Variants in KSR2 observed in about 807,000 individuals in gnomAD.
KSR2 encodes the protein kinase suppressor of ras 2.
A neutral mutation model predicts 107.8 loss-of-function variants in KSR2; 25 were observed. That is an observed-to-expected ratio of 0.23 (90% CI 0.17 to 0.32). The LOEUF (loss-of-function observed/expected upper bound fraction) is 0.32. Among genes scored for constraint, KSR2 ranks in the 10% least tolerant of loss-of-function variants. KSR2 has a pLI of 1.00. For missense variants in KSR2, 887 were observed against 1,268.9 expected (o/e 0.70, Z 4.57); for synonymous variants, 480 against 507.0 (o/e 0.95, Z 0.71).
At chr12:117,649,854 T>G (rs1272546038) in intron 5 of KSR2, among the ~76,000 whole-genome samples, 3 of 152,330 alleles carry the variant, frequency 2.0e-5, no homozygotes, top group African/African-American at 7.2e-5. Context: ...TGGTTTTCTG[T>G]ACAATGGTAG....
At chr12:117,905,734 G>A (rs1225369572) in intron 1 of KSR2, among the ~76,000 whole-genome samples, 1 of 152,090 alleles carries the variant, frequency 6.6e-6, no homozygotes, top group Non-Finnish European at 1.5e-5. Context: ...TCTGCCTTAT[G>A]CCTGGGGACA....
At chr12:117,786,479 C>T (rs970270619) in intron 3 of KSR2, among the ~76,000 whole-genome samples, 2 of 152,060 alleles carry the variant, frequency 1.3e-5, no homozygotes, top group Admixed American at 1.3e-4. Flanking sequence ...CCTCTCCCTC[C>T]TCCCACCCTC....
chr12:117,928,409 C>A (rs1895601774), intron 1 of KSR2, among the ~76,000 whole-genome samples: 1 of 152,184 alleles, frequency 6.6e-6, no homozygotes. Flanking sequence ...GTCTTGAACT[C>A]CTGAGCTCAA....
intron 7 of KSR2, among the ~76,000 whole-genome samples, chr12:117,570,541 A>C (rs1219095045): frequency 6.6e-6 from 1 of 152,234 alleles, no homozygotes; most frequent in Non-Finnish European, 1.5e-5. Context: ...GAACTACAGA[A>C]AAGGCGAAAA....
At chr12:117,602,564 T>C (rs372548582) in intron 5 of KSR2, among the ~76,000 whole-genome samples, 1 of 152,260 alleles carries the variant, frequency 6.6e-6, no homozygotes, top group Admixed American at 6.5e-5. Flanking sequence ...GTAACATGTA[T>C]CAGTACTTGA....
intron 1 of KSR2, among the ~76,000 whole-genome samples, chr12:117,884,619 A>G (rs1894119891): frequency 6.6e-6 from 1 of 152,214 alleles, no homozygotes; most frequent in Admixed American, 6.5e-5. Flanking sequence ...CCAAAGAAAC[A>G]CACAATCTTC....
At chr12:117,726,098 G>A (rs952303941) in intron 4 of KSR2, among the ~76,000 whole-genome samples, 2 of 152,104 alleles carry the variant, frequency 1.3e-5, no homozygotes, top group African/African-American at 4.8e-5. Flanking sequence ...AACCTGGGAG[G>A]TGGAGGTTGC....
At chr12:117,623,439 T>A (rs984092752) in intron 5 of KSR2, among the ~76,000 whole-genome samples, 1 of 152,164 alleles carries the variant, frequency 6.6e-6, no homozygotes, top group Non-Finnish European at 1.5e-5. Context: ...CCAAGTGATC[T>A]CATTGGTCAG....
intron 5 of KSR2, among the ~76,000 whole-genome samples, chr12:117,587,050 C>T (rs888199617): frequency 2.6e-5 from 4 of 152,178 alleles, no homozygotes; most frequent in African/African-American, 9.7e-5. Context: ...TTCCCTCCAA[C>T]ACCCTGCTCA....
chr12:117,508,019 C>T (rs1447812412), intron 14 of KSR2, among the ~76,000 whole-genome samples: 1 of 152,058 alleles, frequency 6.6e-6, no homozygotes, highest in Non-Finnish European at 1.5e-5. Context: ...TAGACCTCTA[C>T]ACTCATCAGC....
chr12:117,836,287 C>T (rs1161540424), intron 3 of KSR2, among the ~76,000 whole-genome samples: 5 of 152,082 alleles, frequency 3.3e-5, no homozygotes, highest in Admixed American at 6.6e-5. Context: ...TCTGGGGCCC[C>T]GAGACCATTC....
chr12:117,616,780 T>C (rs962861317), intron 5 of KSR2, among the ~76,000 whole-genome samples: 2 of 152,226 alleles, frequency 1.3e-5, no homozygotes, highest in Admixed American at 6.5e-5. Context: ...CCTTCTGATA[T>C]GCTCATTTCT....
rs1476781438 is a variant in KSR2 at position 117,457,118 on chromosome 12, CCT to C, written c.*10079_*10080del. On this transcript the variant is annotated 3_prime_UTR_variant, in exon 20 of 20. Coordinates refer to ENST00000339824, the MANE Select transcript of KSR2 (RefSeq NM_173598.6). The stretch of plus-strand genomic sequence containing the variant: ...GAGAGAATGACTGGAGATTTCAGCC[CCT>C]GTCCGTGCAGACGGTGAAAGGCAAG... 2 of 152,370 alleles carry C rather than the reference CCT, an allele frequency of 1.3e-5. No individual in the cohort carries two copies. Among genetic ancestry groups the C allele is most frequent in the African/African-American group, 4.8e-5 (2 of 41,584 alleles). 9.4% of individuals were successfully genotyped at this position (152,370 alleles called of 1,614,324 possible). A position where few individuals can be genotyped will look rare whatever the true frequency, so the allele number is the denominator to read the frequency against.
chr12:117,773,462 C>T (rs535215699), intron 3 of KSR2, among the ~76,000 whole-genome samples: 4 of 152,288 alleles, frequency 2.6e-5, no homozygotes, highest in African/African-American at 9.6e-5. Flanking sequence ...TTTGTCCCTT[C>T]CCATTAAAAT....
rs1186993729 is a variant in KSR2, at chr12:117,897,456, T to A, written c.181-37025A>T. Among the ~76,000 whole-genome samples, 1 of 152,190 alleles carries A rather than the reference T, an allele frequency of 6.6e-6. No individual in the cohort carries two copies. The highest frequency in any genetic ancestry group is 2.4e-5 in the African/African-American group (1 of 41,444). ...ATGAAAGGTTGACTAGGAAACCACA[T>A]CAGCTTTGCAGCATCCAAAAATATA... On this transcript the variant is annotated intron_variant, in intron 1 of 19. Coordinates refer to ENST00000339824, the MANE Select transcript of KSR2 (RefSeq NM_173598.6). This position sits in a 1 kb window ranked among gnomAD's most constrained non-coding sequence, Gnocchi z 4.5.
intron 14 of KSR2, 42 bp downstream of exon 14, chr12:117,524,810 G>C (rs746075216): frequency 2.5e-5 from 39 of 1,554,546 alleles, no homozygotes; most frequent in Non-Finnish European, 3.3e-5. Context: ...GCCAGAAGCA[G>C]AGTTTTGCCA....
intron 4 of KSR2, among the ~76,000 whole-genome samples, chr12:117,712,793 CGATA>C (rs1886835947): frequency 6.6e-6 from 1 of 151,582 alleles, no homozygotes; most frequent in Admixed American, 6.6e-5. Flanking sequence ...ATTCAGAGAT[CGATA>C]GATACAGAGA....
intron 5 of KSR2, among the ~76,000 whole-genome samples, chr12:117,597,141 G>T (rs995506681): frequency 6.6e-6 from 1 of 152,198 alleles, no homozygotes; most frequent in African/African-American, 2.4e-5. Context: ...CTGAATTCTT[G>T]GGCCAAAGCC....
chr12:117,930,369 T>C (rs1474705289), intron 1 of KSR2, among the ~76,000 whole-genome samples: 1 of 152,168 alleles, frequency 6.6e-6, no homozygotes, highest in Non-Finnish European at 1.5e-5. Flanking sequence ...TTCTTCATTA[T>C]ACTGGAGTTG....
Sources: gnomAD v4.1 joint callset for allele counts (sites outside exome capture counted in the v4.1 genomes callset) on GRCh38, gnomAD v4.1.1 for gene constraint, Gnocchi (gnomAD v3.1) non-coding constraint, MANE v1.5 for transcripts, NCBI Gene and HGNC (gene_info 2026-07-23, HGNC 2026-07-21) for gene names.